Variants in GALNT13 observed in about 807,000 individuals in gnomAD.
GALNT13 encodes polypeptide N-acetylgalactosaminyltransferase 13, also known as UDP-GalNAc:polypeptide N-acetylgalactosaminyltransferase 13.
GALNT13 carries 28 observed loss-of-function variants against 64.2 expected under a neutral mutation model. The ratio of observed to expected loss-of-function variants is 0.44; its 90% confidence interval spans 0.32 to 0.60. The LOEUF is 0.60. Ranked by LOEUF, GALNT13 falls within the 20% of genes least tolerant of loss-of-function variation. GALNT13 has a pLI of 0.05. For missense variants in GALNT13, 577 were observed against 669.8 expected, an observed-to-expected ratio of 0.86 and a Z score of 1.53; for synonymous variants, 214 against 224.6, an observed-to-expected ratio of 0.95 and a Z score of 0.42.
rs550758481 is a variant in GALNT13, at chr2:154,259,121, C to T, written c.958C>T (p.Leu320Phe). Residue 320 changes from leucine (L) to phenylalanine (F), a missense_variant, in exon 8 of 13, where the codon CTT (leucine) becomes TTT (phenylalanine). Physicochemically the swap from Leu to Phe is conservative, Grantham distance 22 (BLOSUM62 0). Transcript: ENST00000392825. ...AGMDIWGGEN[L>F]EMSFRIWQCG... ...AATGGATATCTGGGGTGGAGAGAAT[C>T]TTGAAATGTCTTTTAGGGTAATTGC... is the stretch of plus-strand genomic sequence containing the variant. The T allele has an allele frequency of 6.4e-7, 1 of 1,571,606 alleles. No homozygotes were observed. Among genetic ancestry groups the T allele is most frequent in the Non-Finnish European group, 8.7e-7 (1 of 1,143,808 alleles).
the GALNT13 span, among the ~76,000 whole-genome samples, chr2:153,227,545 G>A: frequency 0.83 from 126,211 of 152,138 alleles, 53,544 homozygotes; most frequent in African/African-American, 0.91. Flanking sequence ...GAGAGTTGGC[G>A]TGGTTTAACT....
At chr2:154,253,626 A>AT (rs1434574326) in intron 7 of GALNT13, among the ~76,000 whole-genome samples, 1 of 152,176 alleles carries the variant, frequency 6.6e-6, no homozygotes, top group African/African-American at 2.4e-5. Context: ...AAGTATAACT[A>AT]ACCAAATAAA....
chr2:154,153,305 G>C lies in GALNT13; in HGVS notation c.311+12800G>C, dbSNP rs563728908. Reference sequence around the variant, plus strand: ...ATTCCTCTGGAAGTGTCTCAGAGGAGTACCTGGCCATGTGAGGTGTCAGTC... The same window carrying C: ...ATTCCTCTGGAAGTGTCTCAGAGGACTACCTGGCCATGTGAGGTGTCAGTC... On this transcript the variant is annotated intron_variant, in intron 4 of 12. Coordinates refer to ENST00000392825, the MANE Select transcript of GALNT13 (RefSeq NM_052917.4). 7.9e-5 allele frequency among the ~76,000 whole-genome samples: 12 copies of C among 152,272 alleles called. No individual in the cohort carries two copies. In the South Asian group the frequency reaches 2.5e-3, roughly 32 times the overall value.
chr2:153,896,056 T>C (rs1687863008), intron 1 of GALNT13, among the ~76,000 whole-genome samples: 1 of 43,806 alleles, frequency 2.3e-5, no homozygotes, highest in Non-Finnish European at 5.1e-5. Context: ...AGGATAGTTG[T>C]TTCTGGAATT....
the GALNT13 span, among the ~76,000 whole-genome samples, chr2:153,829,051 C>A: frequency 2.0e-5 from 3 of 152,140 alleles, no homozygotes; most frequent in Admixed American, 6.5e-5. Flanking sequence ...ACAACCTCAG[C>A]CTGGATTTCA....
chr2:154,359,396 A>G (rs1696935277), intron 9 of GALNT13, among the ~76,000 whole-genome samples: 1 of 152,130 alleles, frequency 6.6e-6, no homozygotes, highest in Non-Finnish European at 1.5e-5. Context: ...CAGAGACCAG[A>G]TCAGCTCTGG....
intron 2 of GALNT13, among the ~76,000 whole-genome samples, chr2:153,915,686 C>T (rs34223500): frequency 0.28 from 36,896 of 131,212 alleles, 4,778 homozygotes; most frequent in Non-Finnish European, 0.31. Flanking sequence ...AATCTAGTCT[C>T]CTTTTGTAGT....
chr2:153,155,452 A>G, the GALNT13 span, among the ~76,000 whole-genome samples: 9 of 151,900 alleles, frequency 5.9e-5, no homozygotes, highest in Admixed American at 5.9e-4. Context: ...CTTCCTTGGG[A>G]GGGTGTTTGT....
the GALNT13 span, among the ~76,000 whole-genome samples, chr2:153,423,771 G>T: frequency 6.6e-6 from 1 of 151,540 alleles, no homozygotes; most frequent in African/African-American, 2.4e-5. Flanking sequence ...AGTTATAAAA[G>T]ACCTAATTAA....
chr2:154,260,668 A>G (rs1690648056), intron 8 of GALNT13, among the ~76,000 whole-genome samples: 1 of 152,198 alleles, frequency 6.6e-6, no homozygotes, highest in South Asian at 2.1e-4. Context: ...AGGACATTTG[A>G]GAACCCAAAA....
chr2:154,108,955 G>A (rs1702779515), intron 3 of GALNT13, among the ~76,000 whole-genome samples: 1 of 152,054 alleles, frequency 6.6e-6, no homozygotes, highest in Admixed American at 6.6e-5. Context: ...GTATACAGAA[G>A]TTTGTAATTA....
chr2:153,242,259 T>C, the GALNT13 span, among the ~76,000 whole-genome samples: 1 of 152,152 alleles, frequency 6.6e-6, no homozygotes, highest in African/African-American at 2.4e-5. Context: ...TTATTATTTG[T>C]GTAACTGCCA....
At chr2:154,293,795 G>T (rs548866940) in intron 8 of GALNT13, among the ~76,000 whole-genome samples, 1 of 152,086 alleles carries the variant, frequency 6.6e-6, no homozygotes, top group African/African-American at 2.4e-5. Context: ...AATTATCGAG[G>T]TAGTCATTGT....
At chr2:153,201,973 C>CT in the GALNT13 span, among the ~76,000 whole-genome samples, 12,740 of 108,698 alleles carry the variant, frequency 0.12, 971 homozygotes, top group Non-Finnish European at 0.16. Context: ...CCACCCATTT[C>CT]TTTTTTTTTT....
At chr2:154,275,122 A>C (rs1420148244) in intron 8 of GALNT13, among the ~76,000 whole-genome samples, 3 of 152,140 alleles carry the variant, frequency 2.0e-5, no homozygotes, top group African/African-American at 7.2e-5. Context: ...CCATTTAAGA[A>C]GAAGCAGAGC....
At chr2:153,722,930 G>A in the GALNT13 span, among the ~76,000 whole-genome samples, 6 of 151,636 alleles carry the variant, frequency 4.0e-5, no homozygotes, top group Admixed American at 6.6e-5. Context: ...TAGAAAAAGA[G>A]GGAATCCTCC....
chr2:153,241,379 C>G, the GALNT13 span, among the ~76,000 whole-genome samples: 1 of 152,190 alleles, frequency 6.6e-6, no homozygotes, highest in Admixed American at 6.5e-5. Context: ...TTGTTATGTG[C>G]ATTTTGCTTT....
chr2:153,765,462 A>G, the GALNT13 span, among the ~76,000 whole-genome samples: 1 of 152,136 alleles, frequency 6.6e-6, no homozygotes, highest in African/African-American at 2.4e-5. Context: ...AATTTCTCCT[A>G]TTTGAAACAT....
In GALNT13 at chr2:154,046,199, C is replaced by T. The variant is rs564149826; in HGVS notation, c.143-94138C>T. On this transcript the variant is annotated intron_variant, in intron 3 of 12. Coordinates refer to ENST00000392825, the MANE Select transcript of GALNT13 (RefSeq NM_052917.4). ...AAGAAGATGGGCATGGTCATACATG[C>T]CTGTAGTCCTAGCTACTTGGGAGGC... is the stretch of plus-strand genomic sequence containing the variant. Among the ~76,000 whole-genome samples the T allele has an allele frequency of 5.3e-5, 8 of 152,146 alleles. No homozygotes were observed. In the East Asian group the frequency reaches 1.5e-3, roughly 29 times the overall value.
Sources: allele counts gnomAD v4.1 joint callset (sites outside exome capture counted in the v4.1 genomes callset), GRCh38; gene constraint gnomAD v4.1.1; transcripts MANE v1.5; gene names NCBI Gene and HGNC (gene_info 2026-07-23, HGNC 2026-07-21).